SPCS2: variants seen among roughly 807,000 people sequenced by gnomAD.
The protein encoded by SPCS2 is SPase 25 kDa subunit.
SPCS2 carries 3 observed loss-of-function variants against 22.3 expected under a neutral mutation model. That is an observed-to-expected ratio of 0.13 (90% CI 0.06 to 0.35). The LOEUF is 0.35. Ranked by LOEUF, SPCS2 falls within the 10% of genes least tolerant of loss-of-function variation. SPCS2 has a pLI of 1.00. For missense variants in SPCS2, 169 were observed against 280.9 expected (o/e 0.60, Z 2.85); for synonymous variants, 67 against 97.2 (o/e 0.69, Z 1.83).
chr11:74,953,545 A>G (rs1018005504), intron 1 of SPCS2, among the ~76,000 whole-genome samples: 5 of 152,048 alleles, frequency 3.3e-5, no homozygotes, highest in Admixed American at 3.3e-4. Context: ...GAGGGTTTTT[A>G]TTTTATTTCT....
rs1314605103 is a variant in SPCS2 at position 74,965,012 on chromosome 11, A to G, written c.115-22A>G. 3.9e-6 allele frequency: 6 copies of G among 1,530,638 alleles called. No individual in the cohort carries two copies. In the Admixed American group the frequency reaches 1.0e-4, roughly 26 times the overall value. 94.8% of individuals were successfully genotyped at this position (1,530,638 alleles called of 1,614,324 possible). On this transcript the variant is annotated intron_variant, in intron 1 of 4. Transcript: ENST00000263672. ...TAAGAGGCCAGGTTTCTTGATGCAC[A>G]ACTTTTTTGTTTGTTTTACAGTGGA...
chr11:74,952,375 G>A (rs1323158207), intron 1 of SPCS2, among the ~76,000 whole-genome samples: 1 of 152,156 alleles, frequency 6.6e-6, no homozygotes, highest in African/African-American at 2.4e-5. Flanking sequence ...TAAATATTGT[G>A]GACATTCATA....
chr11:74,959,204 A>C (rs919601973), intron 1 of SPCS2, among the ~76,000 whole-genome samples: 2 of 152,208 alleles, frequency 1.3e-5, no homozygotes, highest in African/African-American at 4.8e-5. Context: ...TCATCTCTCC[A>C]GTGTGAATTG....
At chr11:74,949,747 C>G (rs1047575472) in intron 1 of SPCS2, 13 of 435,572 alleles carry the variant, frequency 3.0e-5, no homozygotes, top group African/African-American at 2.4e-4. Context: ...CACGGAAAAC[C>G]GAAGCCCAAA....
intron 4 of SPCS2, among the ~76,000 whole-genome samples, chr11:74,972,648 C>T (rs1422996891): frequency 6.6e-6 from 1 of 151,646 alleles, no homozygotes; most frequent in Non-Finnish European, 1.5e-5. Flanking sequence ...TAGTCTTTGC[C>T]TGCAGCCCAG....
At chr11:74,959,945 C>T (rs191852825) in intron 1 of SPCS2, among the ~76,000 whole-genome samples, 3 of 152,270 alleles carry the variant, frequency 2.0e-5, no homozygotes, top group Admixed American at 6.5e-5. Context: ...AGTGGAGAAA[C>T]GTAACTGAAA....
intron 1 of SPCS2, among the ~76,000 whole-genome samples, chr11:74,950,045 C>T (rs1417925752): frequency 1.3e-5 from 2 of 152,084 alleles, no homozygotes; most frequent in Non-Finnish European, 2.9e-5. Flanking sequence ...CCCTTTCCTC[C>T]CTCTGCTCAT....
At chr11:74,964,352 A>G (rs768688222) in intron 1 of SPCS2, among the ~76,000 whole-genome samples, 13 of 152,322 alleles carry the variant, frequency 8.5e-5, no homozygotes, top group Non-Finnish European at 1.8e-4. Context: ...CTAAACCTCT[A>G]TAGATAAGGG....
chr11:74,954,068 T>A (rs1948462426), intron 1 of SPCS2, among the ~76,000 whole-genome samples: 1 of 152,240 alleles, frequency 6.6e-6, no homozygotes. Flanking sequence ...CACATGTCTC[T>A]ATTACCTCTG....
chr11:74,976,308 C>T (rs1416899182), intron 4 of SPCS2, among the ~76,000 whole-genome samples: 1 of 152,202 alleles, frequency 6.6e-6, no homozygotes, highest in Non-Finnish European at 1.5e-5. Context: ...TAGTACACAT[C>T]ATGTCAACAG....
intron 4 of SPCS2, among the ~76,000 whole-genome samples, chr11:74,971,780 A>G (rs184138052): frequency 2.6e-5 from 4 of 152,342 alleles, no homozygotes; most frequent in African/African-American, 7.2e-5. Context: ...TTCATTATAC[A>G]GTCTAAACTC....
At chr11:74,962,687 AC>A (rs1247195098) in intron 1 of SPCS2, among the ~76,000 whole-genome samples, 2 of 152,074 alleles carry the variant, frequency 1.3e-5, no homozygotes, top group East Asian at 3.9e-4. Flanking sequence ...CCTAATAGCA[AC>A]TCCCCTTCTT....
At chr11:74,971,323 A>G (rs1206508056) in intron 4 of SPCS2, among the ~76,000 whole-genome samples, 2 of 152,142 alleles carry the variant, frequency 1.3e-5, no homozygotes, top group Non-Finnish European at 2.9e-5. Context: ...ATTTGTGTAC[A>G]TGTTTTTAGG....
In SPCS2 at chr11:74,955,851, AATATATATATATATAT is replaced by A. The variant is rs60855711; in HGVS notation, c.114+6473_114+6488del. 1.8e-3 allele frequency among the ~76,000 whole-genome samples: 98 copies of A among 55,602 alleles called. 7 individuals carry two copies. Among genetic ancestry groups the A allele is most frequent in the East Asian group, 3.4e-3 (4 of 1,176 alleles). The allele number at this position is 55,602 out of a possible 152,430, so 36.5% of individuals were successfully genotyped here. A position where few individuals can be genotyped will look rare whatever the true frequency, so the allele number is the denominator to read the frequency against. The stretch of plus-strand genomic sequence containing the variant: ...TACTATTACTTTAATTACTAATTAA[AATATATATATATATAT>A]ATATATATATATATATATATCTGCC... On this transcript the variant is annotated intron_variant, in intron 1 of 4. Coordinates refer to ENST00000263672, the MANE Select transcript of SPCS2 (RefSeq NM_014752.3).
Position 74,976,924 on chromosome 11 carries a change from G to A in SPCS2, c.562G>A (p.Glu188Lys), listed in dbSNP as rs752442016. 5.0e-6 allele frequency: 8 copies of A among 1,613,142 alleles called. No homozygotes were observed. In the East Asian group the frequency reaches 6.7e-5, roughly 13 times the overall value. Reference sequence around the variant, plus strand: ...GAGAACAAAGCAGCAGCGGGAAGCCGAGTTCACAAAGTCCATTGCTAAGTT... The same window carrying A: ...GAGAACAAAGCAGCAGCGGGAAGCCAAGTTCACAAAGTCCATTGCTAAGTT... ...SGRTKQQREA[E>K]FTKSIAKFFD... Residue 188 changes from glutamate (E) to lysine (K), a missense_variant, in exon 5 of 5, where the codon GAG (glutamate) becomes AAG (lysine). Glu to Lys is a moderately conservative substitution (Grantham distance 56). Around this residue, in one of 2 missense-constraint regions of SPCS2, gnomAD observed 118 missense variants for 243.1 expected, o/e 0.49. Transcript: ENST00000263672.
chr11:74,949,535 A>C lies in SPCS2; in HGVS notation c.114+136A>C, dbSNP rs768709174. The C allele has an allele frequency of 5.1e-6, 4 of 781,876 alleles. No individual in the cohort carries two copies. In the South Asian group the frequency reaches 5.8e-5, roughly 11 times the overall value. 48.4% of individuals were successfully genotyped at this position (781,876 alleles called of 1,614,324 possible). On this transcript the variant is annotated intron_variant, in intron 1 of 4. Transcript: ENST00000263672. ...CTTGTGTGACCACTATCACAACCCT[A>C]CGCACGCTTGGAGCCTGCCCTTGCC...
chr11:74,973,000 T>A (rs1948595230), intron 4 of SPCS2, among the ~76,000 whole-genome samples: 1 of 151,974 alleles, frequency 6.6e-6, no homozygotes, highest in Admixed American at 6.6e-5. Flanking sequence ...TTCTCACTCA[T>A]AGGTGGGAAT....
rs1184636593 is a variant in SPCS2 at position 74,965,814 on chromosome 11, C to T, written c.250C>T (p.Arg84Cys). The T allele has an allele frequency of 1.9e-6, 3 of 1,611,828 alleles. No homozygotes were observed. The highest frequency in any genetic ancestry group is 2.5e-6 in the Non-Finnish European group (3 of 1,178,214). Residue 84 changes from arginine (R) to cysteine (C), a missense_variant, in exon 3 of 5, where the codon CGC (arginine) becomes TGC (cysteine). Coordinates refer to ENST00000263672, the MANE Select transcript of SPCS2 (RefSeq NM_014752.3). ...GGAGAATTTTGGTCTAATTGATGGT[C>T]GCCTCACCATCTGTACAATCTCCTG... ...YVENFGLIDG[R>C]LTICTISCFF...
chr11:74,949,552 G>A (rs1948310198), intron 1 of SPCS2, 153 bp downstream of exon 1: 1 of 718,174 alleles, frequency 1.4e-6, no homozygotes. Flanking sequence ...CTTGGAGCCT[G>A]CCCTTGCCCT....
Sources: gnomAD v4.1 joint callset for allele counts (sites outside exome capture counted in the v4.1 genomes callset) on GRCh38, gnomAD v4.1.1 for gene constraint, gnomAD v4.1.1 regional missense constraint, MANE v1.5 for transcripts, NCBI Gene and HGNC (gene_info 2026-07-23, HGNC 2026-07-21) for gene names.